The following NLRP7 variants were observed in gnomAD, a reference collection of about 807,000 sequenced individuals.
The protein encoded by NLRP7 is NACHT, LRR and PYD domains-containing protein 7.
A neutral mutation model predicts 85.5 loss-of-function variants in NLRP7; 72 were observed. That is an observed-to-expected ratio of 0.84 (90% CI 0.70 to 1.02). The LOEUF (loss-of-function observed/expected upper bound fraction) is 1.02. NLRP7 is among the 50% of genes least tolerant of loss of function. NLRP7 has a pLI of 0.00. For synonymous variants in NLRP7, 550 were observed against 505.2 expected (o/e 1.09, Z -1.19); for missense variants, 1,243 against 1,219.5 (o/e 1.02, Z -0.29).
At chr19:54,939,905 G>A in exon 4 of NLRP7, 3 of 1,614,126 alleles carry the variant, frequency 1.9e-6, no homozygotes, top group Non-Finnish European at 2.5e-6. Context: ...GTCCCTCAGT[G>A]CCCTGGGCCG....
At position 54,936,940 on chromosome 19, in the gene NLRP7, T is replaced by C. The variant is rs148356826; in HGVS notation, c.2130-509A>G. 8.7e-3 allele frequency among the ~76,000 whole-genome samples: 1,278 copies of C among 146,786 alleles called. 16 individuals carry two copies. The highest frequency in any genetic ancestry group is 0.031 in the African/African-American group (1,217 of 39,546). On this transcript the variant is annotated intron_variant, in intron 5 of 9. Transcript: ENST00000340844. ...AAAAGAAAAAAAAATTCGCCGGGTG[T>C]GGTGGCTCACGCCTGTAATCCCAGC...
At chr19:54,963,798 C>T (rs192481712) in intron 1 of NLRP7, among the ~76,000 whole-genome samples, 1,701 of 149,006 alleles carry the variant, frequency 0.011, 26 homozygotes, top group African/African-American at 0.039. Flanking sequence ...CACTCCAGCC[C>T]GGGCGACAGT....
At chr19:54,927,570 A>G in intron 9 of NLRP7, 35 bp downstream of exon 10, 1 of 1,535,444 alleles carries the variant, frequency 6.5e-7, no homozygotes, top group African/African-American at 1.8e-5. Flanking sequence ...AAACAAAAAC[A>G]AAAAACAAAA....
upstream of NLRP7, among the ~76,000 whole-genome samples, chr19:54,950,084 G>A (rs549230699): frequency 5.8e-4 from 88 of 151,646 alleles, no homozygotes; most frequent in South Asian, 0.012. Context: ...CCTGGGTGAC[G>A]GAGTTAGACT....
chr19:54,953,349 G>A (rs1417396098), intron 1 of NLRP7: 1 of 152,358 alleles, frequency 6.6e-6, no homozygotes, highest in East Asian at 1.9e-4. Flanking sequence ...AGAGGGTCGT[G>A]ATCGACTGAG....
At chr19:54,953,313 C>T (rs2069731746) in intron 1 of NLRP7, 1 of 152,226 alleles carries the variant, frequency 6.6e-6, no homozygotes, top group Non-Finnish European at 1.5e-5. Flanking sequence ...CTTTTAAGGG[C>T]TCACAACTCT....
Position 54,939,001 on chromosome 19 carries a change from A to ATT in NLRP7, c.1817_1818insAA (p.His606GlnfsTer7). 6.2e-7 allele frequency: 1 copy of ATT among 1,614,202 alleles called. No individual in the cohort carries two copies. Among genetic ancestry groups the ATT allele is most frequent in the East Asian group, 2.2e-5 (1 of 44,884 alleles). On this transcript the variant is annotated frameshift_variant, in exon 4 of 10. Coordinates refer to ENST00000340844, the Ensembl canonical transcript of NLRP7. LOFTEE classifies it high-confidence loss of function. ...GACAATGCTTCAGGCTGAAGGAACA[A>ATT]TGCATCACTTCAGAAGTATTTGTCA...
rs1317186401 is a variant in NLRP7, at chr19:54,934,859, G to A, written c.2301-200C>T. ...GAAGTAGCTGGGATTACAGGCATTCGCCAATTTTTGTATTTTTAGTAGAGA... is the reference window on the plus strand; with the variant it reads ...GAAGTAGCTGGGATTACAGGCATTCACCAATTTTTGTATTTTTAGTAGAGA... On this transcript the variant is annotated intron_variant, in intron 6 of 9. Coordinates refer to ENST00000340844, the Ensembl canonical transcript of NLRP7. This position sits in a 1 kb window ranked among gnomAD's most constrained non-coding sequence, Gnocchi z 6.7. Among the ~76,000 whole-genome samples, 1 of 151,912 alleles carries A rather than the reference G, an allele frequency of 6.6e-6. No individual in the cohort carries two copies. Among genetic ancestry groups the A allele is most frequent in the African/African-American group, 2.4e-5 (1 of 41,384 alleles).
At chr19:54,953,755 C>T (rs1475665830) in intron 1 of NLRP7, among the ~76,000 whole-genome samples, 1 of 151,902 alleles carries the variant, frequency 6.6e-6, no homozygotes, top group Non-Finnish European at 1.5e-5. Flanking sequence ...GTAATCCCAG[C>T]ACTTTCGGGG....
upstream of NLRP7, among the ~76,000 whole-genome samples, chr19:54,952,188 T>C (rs944071871): frequency 6.6e-6 from 1 of 152,118 alleles, no homozygotes; most frequent in South Asian, 2.1e-4. Flanking sequence ...ACTAACCAGT[T>C]TGAAGACCCC....
rs1395128492 is a variant in NLRP7 at position 54,926,915 on chromosome 19, TTAAAAA to T, written c.2811-3049_2811-3044del. Among the ~76,000 whole-genome samples, 290 of 130,860 alleles carry T rather than the reference TTAAAAA, an allele frequency of 2.2e-3. 6 individuals carry two copies. The highest frequency in any genetic ancestry group is 7.2e-3 in the East Asian group (32 of 4,466). 85.8% of individuals were successfully genotyped at this position (130,860 alleles called of 152,430 possible). Reference sequence around the variant, plus strand: ...TGGGGGACAGAGAGAGACTCTGTCTTTAAAAAAAAAAAAAAAAAAAAAAAATTAGCC... The same window carrying T: ...TGGGGGACAGAGAGAGACTCTGTCTTAAAAAAAAAAAAAAAAAAATTAGCC... On this transcript the variant is annotated intron_variant, in intron 9 of 9. Transcript: ENST00000340844.
At position 54,960,264 on chromosome 19, in the gene NLRP7, T is replaced by C. The variant is rs912370919; in HGVS notation, c.-77+5776A>G. The stretch of plus-strand genomic sequence containing the variant: ...TCTGCTTCCCGGGTTCAAGCAATTC[T>C]CCTCCCTCAGCCTCCTGGGTAGCTG... On this transcript the variant is annotated intron_variant, in intron 1 of 2. Transcript: ENST00000587103. 4.3e-4 allele frequency among the ~76,000 whole-genome samples: 66 copies of C among 151,744 alleles called. 1 individual carries two copies. Among genetic ancestry groups the C allele is most frequent in the Non-Finnish European group, 7.8e-4 (53 of 67,920 alleles).
intron 5 of NLRP7, among the ~76,000 whole-genome samples, chr19:54,937,087 G>A (rs531116069): frequency 5.3e-4 from 80 of 150,984 alleles, no homozygotes; most frequent in Non-Finnish European, 8.7e-4. Flanking sequence ...GCGTGGTGGC[G>A]GGCGCCTGTA....
intron 9 of NLRP7, among the ~76,000 whole-genome samples, chr19:54,929,024 G>A (rs552492245): frequency 6.6e-6 from 1 of 152,240 alleles, no homozygotes; most frequent in South Asian, 2.1e-4. Context: ...GGAAATAAAG[G>A]TATCACGGTC....
At chr19:54,929,964 A>T (rs532254718) in intron 9 of NLRP7, among the ~76,000 whole-genome samples, 1 of 151,730 alleles carries the variant, frequency 6.6e-6, no homozygotes, top group African/African-American at 2.4e-5. Flanking sequence ...ATACAAAAAA[A>T]ATTAGCCAGG....
At chr19:54,924,497 G>A (rs992759962) in intron 9 of NLRP7, among the ~76,000 whole-genome samples, 3 of 152,068 alleles carry the variant, frequency 2.0e-5, no homozygotes, top group Non-Finnish European at 4.4e-5. Context: ...GGTGGTGCAC[G>A]CCTATAGTCC....
At chr19:54,954,113 A>T (rs2069769501) in intron 1 of NLRP7, among the ~76,000 whole-genome samples, 4 of 149,584 alleles carry the variant, frequency 2.7e-5, no homozygotes, top group Admixed American at 2.7e-4. Context: ...CTCCACTCCC[A>T]GCAGCCCCAT....
intron 1 of NLRP7, among the ~76,000 whole-genome samples, chr19:54,955,490 G>A (rs2069822620): frequency 6.6e-6 from 1 of 152,126 alleles, no homozygotes; most frequent in African/African-American, 2.4e-5. Flanking sequence ...ACAACATGAT[G>A]AAACCTCTTC....
intron 9 of NLRP7, among the ~76,000 whole-genome samples, chr19:54,924,506 C>T (rs553972594): frequency 2.2e-4 from 33 of 152,244 alleles, no homozygotes; most frequent in African/African-American, 7.7e-4. Context: ...CGCCTATAGT[C>T]CCAGCTACTC....
Sources: gnomAD v4.1 joint callset for allele counts (sites outside exome capture counted in the v4.1 genomes callset) on GRCh38, gnomAD v4.1.1 for gene constraint, Gnocchi (gnomAD v3.1) non-coding constraint, MANE v1.5 for transcripts, NCBI Gene and HGNC (gene_info 2026-07-23, HGNC 2026-07-21) for gene names.